Variants in LPP observed in about 807,000 individuals in gnomAD.
LPP encodes the protein LIM domain containing preferred translocation partner in lipoma, also known as lipoma-preferred partner.
Under a neutral mutation model 60.4 loss-of-function variants are expected in LPP, and 38 were observed. That is an observed-to-expected ratio of 0.63 (90% CI 0.49 to 0.83). The LOEUF (loss-of-function observed/expected upper bound fraction) is 0.83. Among genes scored for constraint, LPP ranks in the 40% least tolerant of loss-of-function variants. The pLI, the probability that LPP is intolerant of heterozygous loss-of-function variation, is 0.00. For missense variants in LPP, 902 were observed against 783.6 expected, an observed-to-expected ratio of 1.15 and a Z score of -1.80; for synonymous variants, 328 against 290.8, an observed-to-expected ratio of 1.13 and a Z score of -1.30.
chr3:188,601,995 G>A (rs527988884), intron 6 of LPP, among the ~76,000 whole-genome samples: 25 of 150,184 alleles, frequency 1.7e-4, no homozygotes, highest in South Asian at 2.1e-4. Flanking sequence ...TTGAACACGC[G>A]AGGCAGAGGT....
In LPP at chr3:188,600,037, C is replaced by T. The variant is rs183131828; in HGVS notation, c.430-9124C>T. ...GGAGAACAAAATTTTCTCTTAACTG[C>T]CTCACCTAGTGTAAAACTGTAACCT... On this transcript the variant is annotated intron_variant, in intron 6 of 11. Coordinates refer to ENST00000617246, the MANE Select transcript of LPP (RefSeq NM_001375462.1). Among the ~76,000 whole-genome samples, 305 of 151,742 alleles carry T rather than the reference C, an allele frequency of 2.0e-3. 1 individual carries two copies. The highest frequency in any genetic ancestry group is 7.1e-3 in the African/African-American group (295 of 41,424).
intron 6 of LPP, 37 bp downstream of exon 6, chr3:188,524,824 C>G (rs534275383): frequency 5.0e-6 from 8 of 1,595,476 alleles, no homozygotes; most frequent in Non-Finnish European, 6.8e-6. Flanking sequence ...CACAGCCATT[C>G]CCAGATATTC....
In LPP at chr3:188,541,903, C is replaced by CA. The variant is rs1428550899; in HGVS notation, c.429+17123dup. Among the ~76,000 whole-genome samples, 7 of 151,466 alleles carry CA rather than the reference C, an allele frequency of 4.6e-5. No homozygotes were observed. In the South Asian group the frequency reaches 1.3e-3, roughly 27 times the overall value. On this transcript the variant is annotated intron_variant, in intron 6 of 11. Transcript: ENST00000617246. ...CAAGAGCGAAACTCCATCACACACA[C>CA]AAAAAAACAAAAACAAAACAAATAA...
At chr3:188,525,967 T>C (rs1820467066) in intron 6 of LPP, among the ~76,000 whole-genome samples, 1 of 152,238 alleles carries the variant, frequency 6.6e-6, no homozygotes, top group South Asian at 2.1e-4. Context: ...GATCTTCCAC[T>C]GCTAGTGATC....
chr3:188,570,382 A>T (rs755829066), intron 6 of LPP, among the ~76,000 whole-genome samples: 12 of 152,088 alleles, frequency 7.9e-5, no homozygotes, highest in Non-Finnish European at 1.3e-4. Flanking sequence ...CTTAGTATGT[A>T]TGAAGCATTT....
At chr3:188,551,305 G>A (rs1056643940) in intron 6 of LPP, among the ~76,000 whole-genome samples, 8 of 152,192 alleles carry the variant, frequency 5.3e-5, no homozygotes, top group African/African-American at 1.2e-4. Flanking sequence ...TGACTACCAC[G>A]AGAACAGTAT....
chr3:188,314,822 TAAACAAAC>T (rs990979131), intron 2 of LPP, among the ~76,000 whole-genome samples: 9 of 152,210 alleles, frequency 5.9e-5, no homozygotes, highest in South Asian at 2.1e-4. Flanking sequence ...CATCTCAAAA[TAAACAAAC>T]AAACAAACAA....
At position 188,876,958 on chromosome 3, in the gene LPP, G is replaced by T. The variant is rs1266377970; in HGVS notation, c.*2479G>T. 2 of 178,270 alleles carry T rather than the reference G, an allele frequency of 1.1e-5. No homozygotes were observed. Among genetic ancestry groups the T allele is most frequent in the Non-Finnish European group, 2.4e-5 (2 of 82,880 alleles). The allele number at this position is 178,270 out of a possible 1,614,324, so 11.0% of individuals were successfully genotyped here. On this transcript the variant is annotated 3_prime_UTR_variant, in exon 12 of 12. Transcript: ENST00000617246. ...TGCATTCTTATAACATAACCTCAGA[G>T]TATCTTTACCAAAGGTTTTTAAAGT...
Position 188,582,293 on chromosome 3 carries a change from T to C in LPP, c.430-26868T>C, listed in dbSNP as rs1328385475. On this transcript the variant is annotated intron_variant, in intron 6 of 11. Transcript: ENST00000617246. ...CTCTTGCCTCAGCCTCCCGAGTAGC[T>C]GTGTCTACAGGTGTGCACCATGCCT... is the stretch of plus-strand genomic sequence containing the variant. Among the ~76,000 whole-genome samples the C allele has an allele frequency of 3.3e-5, 5 of 151,896 alleles. No homozygotes were observed. The South Asian group carries it at 8.3e-4, about 25-fold the overall frequency.
chr3:188,861,442 C>T (rs1267642188), intron 9 of LPP, among the ~76,000 whole-genome samples: 2 of 152,110 alleles, frequency 1.3e-5, no homozygotes, highest in Non-Finnish European at 2.9e-5. Flanking sequence ...TTCCAAATGG[C>T]AGTAATCACT....
chr3:188,380,611 A>G (rs1242726867), intron 3 of LPP, among the ~76,000 whole-genome samples: 1 of 152,232 alleles, frequency 6.6e-6, no homozygotes, highest in Non-Finnish European at 1.5e-5. Context: ...TGAGCTACTC[A>G]TGTCACAGAC....
chr3:188,682,413 C>T (rs1296868738), intron 7 of LPP, among the ~76,000 whole-genome samples: 1 of 152,196 alleles, frequency 6.6e-6, no homozygotes, highest in Non-Finnish European at 1.5e-5. Context: ...ACATCTACAC[C>T]GTGCAGCTCT....
At chr3:188,817,153 G>A (rs543014752) in intron 9 of LPP, among the ~76,000 whole-genome samples, 1 of 152,166 alleles carries the variant, frequency 6.6e-6, no homozygotes, top group Admixed American at 6.5e-5. Flanking sequence ...GAGCAATTGG[G>A]TCTATTTCCT....
At chr3:188,752,522 G>T (rs533641700) in intron 8 of LPP, among the ~76,000 whole-genome samples, 1 of 152,114 alleles carries the variant, frequency 6.6e-6, no homozygotes, top group Non-Finnish European at 1.5e-5. Flanking sequence ...TGTTTTGTTT[G>T]TTGTGGTGGT....
At chr3:188,709,220 T>C (rs1161355663) in intron 8 of LPP, 1 of 152,224 alleles carries the variant, frequency 6.6e-6, no homozygotes, top group African/African-American at 2.4e-5. Flanking sequence ...TGTGGACGCA[T>C]AACCTGTCCT....
At chr3:188,283,211 T>G (rs912510960) in intron 2 of LPP, among the ~76,000 whole-genome samples, 3 of 152,202 alleles carry the variant, frequency 2.0e-5, no homozygotes, top group African/African-American at 7.2e-5. Flanking sequence ...GCTCTCAACT[T>G]CTTAGAGTGT....
At chr3:188,534,763 A>T (rs1365259) in intron 6 of LPP, among the ~76,000 whole-genome samples, 67,470 of 152,046 alleles carry the variant, frequency 0.44, 16,169 homozygotes, top group East Asian at 0.92. Context: ...AAACTAGAGT[A>T]TAGTGATAAT....
chr3:188,492,943 T>C (rs1476753497), intron 5 of LPP, among the ~76,000 whole-genome samples: 1 of 152,252 alleles, frequency 6.6e-6, no homozygotes, highest in African/African-American at 2.4e-5. Flanking sequence ...GAATTGTTTC[T>C]TGCATTAAAT....
chr3:188,339,909 C>CT (rs940691208), intron 2 of LPP, among the ~76,000 whole-genome samples: 1 of 152,224 alleles, frequency 6.6e-6, no homozygotes, highest in African/African-American at 2.4e-5. Context: ...GCATCAAACA[C>CT]TCCTTTTGCC....
Sources: allele counts gnomAD v4.1 joint callset (sites outside exome capture counted in the v4.1 genomes callset), GRCh38; gene constraint gnomAD v4.1.1; transcripts MANE v1.5; gene names NCBI Gene and HGNC (gene_info 2026-07-23, HGNC 2026-07-21).